The following BAIAP2L1 variants were observed in gnomAD, a reference collection of about 807,000 sequenced individuals.
BAIAP2L1 encodes BAR/IMD domain containing adaptor protein 2 like 1.
Under a neutral mutation model 66.3 loss-of-function variants are expected in BAIAP2L1, and 35 were observed. The ratio of observed to expected loss-of-function variants is 0.53; its 90% CI spans 0.40 to 0.70. The LOEUF is 0.70. Ranked by LOEUF, BAIAP2L1 falls within the 30% of genes least tolerant of loss-of-function variation. BAIAP2L1 has a pLI of 0.00. For missense variants in BAIAP2L1, 622 were observed against 656.9 expected, an observed-to-expected ratio of 0.95 and a Z score of 0.58; for synonymous variants, 269 against 248.7, an observed-to-expected ratio of 1.08 and a Z score of -0.77.
chr7:98,339,909 AC>A (rs1216164501), intron 3 of BAIAP2L1, among the ~76,000 whole-genome samples: 2 of 151,406 alleles, frequency 1.3e-5, no homozygotes, highest in South Asian at 2.1e-4. Flanking sequence ...CCTTTGCGCC[AC>A]CCCCCCTCGC....
At chr7:98,377,060 C>A (rs1802650367) in intron 1 of BAIAP2L1, among the ~76,000 whole-genome samples, 1 of 152,168 alleles carries the variant, frequency 6.6e-6, no homozygotes, top group Non-Finnish European at 1.5e-5. Flanking sequence ...TGCTTAAGGG[C>A]TACAGAGTCA....
rs188419788 is a variant in BAIAP2L1, at chr7:98,310,393, C to T, written c.955+52G>A. On this transcript the variant is annotated intron_variant, in intron 9 of 13. Transcript: ENST00000005260. The stretch of plus-strand genomic sequence containing the variant: ...ACAAAATATTTATTTCACAGCTTAT[C>T]TTAAAACAAATGTAAAAGGTATCTT... 10 of 1,541,402 alleles carry T rather than the reference C, an allele frequency of 6.5e-6. No homozygotes were observed. The Admixed American group carries it at 1.5e-4, about 23-fold the overall frequency.
At chr7:98,383,730 A>G (rs1027892951) in intron 1 of BAIAP2L1, among the ~76,000 whole-genome samples, 10 of 152,202 alleles carry the variant, frequency 6.6e-5, no homozygotes, top group African/African-American at 2.4e-4. Flanking sequence ...GTTTCATTCC[A>G]CCAACTCTGT....
intron 12 of BAIAP2L1, among the ~76,000 whole-genome samples, chr7:98,298,332 G>A (rs1007113457): frequency 6.6e-6 from 1 of 152,084 alleles, no homozygotes; most frequent in African/African-American, 2.4e-5. Context: ...AACATTAGGG[G>A]CTGGGTGCGG....
intron 3 of BAIAP2L1, among the ~76,000 whole-genome samples, chr7:98,341,134 A>G (rs1327278577): frequency 2.0e-5 from 3 of 152,134 alleles, no homozygotes; most frequent in Admixed American, 1.3e-4. Flanking sequence ...GCTTGCTTCC[A>G]GGAAAAAAAT....
intron 1 of BAIAP2L1, among the ~76,000 whole-genome samples, chr7:98,376,086 T>A (rs2107717): frequency 6.6e-6 from 1 of 152,020 alleles, no homozygotes; most frequent in Non-Finnish European, 1.5e-5. Flanking sequence ...TTCAGTGTTA[T>A]ACTTCTGAGA....
At chr7:98,365,879 G>A (rs540649825) in intron 1 of BAIAP2L1, among the ~76,000 whole-genome samples, 7 of 152,076 alleles carry the variant, frequency 4.6e-5, no homozygotes, top group East Asian at 3.9e-4. Context: ...TCTAGTTCCC[G>A]TATCATCTCC....
In BAIAP2L1 at chr7:98,393,103, A is replaced by G. The variant is rs1803098045; in HGVS notation, c.51+7699T>C. ...CACACATATATACATATATACGTGT[A>G]CATATATGTACACATATATGTATAT... On this transcript the variant is annotated intron_variant, in intron 1 of 13. Transcript: ENST00000005260. 2.2e-5 allele frequency among the ~76,000 whole-genome samples: 2 copies of G among 91,328 alleles called. 1 individual carries two copies. Among genetic ancestry groups the G allele is most frequent in the South Asian group, 8.0e-4 (2 of 2,514 alleles). 59.9% of individuals were successfully genotyped at this position (91,328 alleles called of 152,430 possible).
At chr7:98,376,181 G>A (rs1428049546) in intron 1 of BAIAP2L1, among the ~76,000 whole-genome samples, 3 of 152,018 alleles carry the variant, frequency 2.0e-5, no homozygotes, top group South Asian at 2.1e-4. Context: ...AAGTGTCCAC[G>A]TAGCAAAGCT....
chr7:98,320,213 T>A, intron 4 of BAIAP2L1, 24 bp downstream of exon 4: 2 of 1,596,518 alleles, frequency 1.3e-6, no homozygotes, highest in Non-Finnish European at 1.7e-6. Flanking sequence ...GTGTATTTTG[T>A]AAATAGAAAC....
Position 98,315,625 on chromosome 7 carries a change from A to AG in BAIAP2L1, c.487-14_487-13insC. The AG allele has an allele frequency of 8.8e-7, 1 of 1,130,960 alleles. No homozygotes were observed. The highest frequency in any genetic ancestry group is 3.1e-5 in the East Asian group (1 of 31,908). 70.1% of individuals were successfully genotyped at this position (1,130,960 alleles called of 1,614,324 possible). ...CGGTCTCCACATACTAAAAAAAAAA[A>AG]AATAATAATAATAATAATTATATAA... On this transcript the variant is annotated splice_polypyrimidine_tract_variant and intron_variant, in intron 6 of 13. Coordinates refer to ENST00000005260, the MANE Select transcript of BAIAP2L1 (RefSeq NM_018842.5).
intron 7 of BAIAP2L1, among the ~76,000 whole-genome samples, chr7:98,313,393 C>T (rs565669335): frequency 1.7e-4 from 26 of 152,148 alleles, no homozygotes; most frequent in African/African-American, 6.3e-4. Flanking sequence ...ACTGGAGCTC[C>T]CTGAAAAGGT....
At chr7:98,325,150 G>A (rs1167177636) in intron 3 of BAIAP2L1, among the ~76,000 whole-genome samples, 4 of 151,494 alleles carry the variant, frequency 2.6e-5, no homozygotes, top group South Asian at 2.1e-4. Flanking sequence ...TTTGGGAGGC[G>A]GAGGCAGGCA....
At chr7:98,336,443 CTG>C (rs1318595523) in intron 3 of BAIAP2L1, among the ~76,000 whole-genome samples, 1 of 152,148 alleles carries the variant, frequency 6.6e-6, no homozygotes, top group Non-Finnish European at 1.5e-5. Flanking sequence ...GTGAAAAACG[CTG>C]TCTCTACTAA....
Position 98,326,359 on chromosome 7 carries a change from T to C in BAIAP2L1, c.215-6061A>G, listed in dbSNP as rs149489095. On this transcript the variant is annotated intron_variant, in intron 3 of 13. Transcript: ENST00000005260. ...AATAAGTGATAGGGTGAGCATTGCC[T>C]GGATCATTCCTCCGTGTCTAGCTGC... Among the ~76,000 whole-genome samples, 787 of 152,358 alleles carry C rather than the reference T, an allele frequency of 5.2e-3. 7 individuals carry two copies. Among genetic ancestry groups the C allele is most frequent in the Middle Eastern group, 0.017 (5 of 294 alleles).
intron 1 of BAIAP2L1, among the ~76,000 whole-genome samples, chr7:98,366,266 C>T (rs1246471733): frequency 6.6e-6 from 1 of 152,146 alleles, no homozygotes; most frequent in African/African-American, 2.4e-5. Flanking sequence ...CTGCTGTTTC[C>T]AAGTCTAGAG....
At position 98,393,080 on chromosome 7, in the gene BAIAP2L1, C is replaced by CATATATGTATATAT. The variant is rs1562795854; in HGVS notation, c.51+7721_51+7722insATATATACATATAT. Among the ~76,000 whole-genome samples the CATATATGTATATAT allele has an allele frequency of 2.8e-4, 24 of 85,666 alleles. 1 individual carries two copies. Among genetic ancestry groups the CATATATGTATATAT allele is most frequent in the African/African-American group, 1.2e-3 (24 of 19,536 alleles). 56.2% of individuals were successfully genotyped at this position (85,666 alleles called of 152,430 possible). On this transcript the variant is annotated intron_variant, in intron 1 of 13. Coordinates refer to ENST00000005260, the MANE Select transcript of BAIAP2L1 (RefSeq NM_018842.5). Reference sequence around the variant, plus strand: ...ATATGTACACATATATGTATACACACACATATATACATATATACGTGTACA... The same window carrying CATATATGTATATAT: ...ATATGTACACATATATGTATACACACATATATGTATATATACATATATACATATATACGTGTACA...
chr7:98,336,712 T>C (rs571623933), intron 3 of BAIAP2L1, among the ~76,000 whole-genome samples: 40 of 152,374 alleles, frequency 2.6e-4, no homozygotes, highest in Non-Finnish European at 1.0e-4. Context: ...GCTCCCTGCA[T>C]AGGCATCCAA....
chr7:98,384,215 AC>A (rs1802833007), intron 1 of BAIAP2L1, among the ~76,000 whole-genome samples: 3 of 152,154 alleles, frequency 2.0e-5, no homozygotes, highest in Admixed American at 6.6e-5. Flanking sequence ...TTACACGGAA[AC>A]AGGTACAAAG....
Sources: gnomAD v4.1 joint callset for allele counts (sites outside exome capture counted in the v4.1 genomes callset) on GRCh38, gnomAD v4.1.1 for gene constraint, MANE v1.5 for transcripts, NCBI Gene and HGNC (gene_info 2026-07-23, HGNC 2026-07-21) for gene names.